Variants in ATP8A2 observed in about 807,000 individuals in gnomAD.
The protein encoded by ATP8A2 is ATPase phospholipid transporting 8A2.
ATP8A2 carries 100 observed loss-of-function variants against 165.6 expected under a neutral mutation model. The ratio of observed to expected loss-of-function variants is 0.60; its 90% CI spans 0.51 to 0.71. ATP8A2 has a LOEUF of 0.71. ATP8A2 is among the 30% of genes least tolerant of loss of function. The probability of loss-of-function intolerance (pLI) is 0.00; values close to 1 mark genes in which losing one functional copy is unlikely to be tolerated. For missense variants in ATP8A2, 1,227 were observed against 1,479.5 expected, an observed-to-expected ratio of 0.83 and a Z score of 2.80; for synonymous variants, 543 against 548.8, an observed-to-expected ratio of 0.99 and a Z score of 0.15.
chr13:25,676,849 G>C (rs1017251235), intron 24 of ATP8A2, among the ~76,000 whole-genome samples: 2 of 152,112 alleles, frequency 1.3e-5, no homozygotes, highest in Admixed American at 6.5e-5. Context: ...ATTCAATAGG[G>C]AACTCCCAAT....
At chr13:25,756,690 A>G (rs990885401) in intron 25 of ATP8A2, among the ~76,000 whole-genome samples, 4 of 152,158 alleles carry the variant, frequency 2.6e-5, no homozygotes, top group Non-Finnish European at 1.5e-5. Context: ...AACAGCACCA[A>G]TTTTGCAGAG....
chr13:25,512,685 C>T (rs1187914611), intron 2 of ATP8A2, among the ~76,000 whole-genome samples: 2 of 136,586 alleles, frequency 1.5e-5, no homozygotes, highest in Non-Finnish European at 3.1e-5. Flanking sequence ...GGGCGGGGGG[C>T]TGACCCCCCA....
At chr13:25,812,216 C>G (rs79842815) in intron 27 of ATP8A2, among the ~76,000 whole-genome samples, 86 of 151,584 alleles carry the variant, frequency 5.7e-4, no homozygotes, top group African/African-American at 2.0e-3. Flanking sequence ...AACTGCATCC[C>G]ACATTTGTTT....
chr13:25,762,692 G>C (rs1164968490), intron 25 of ATP8A2, among the ~76,000 whole-genome samples: 1 of 152,146 alleles, frequency 6.6e-6, no homozygotes, highest in Non-Finnish European at 1.5e-5. Flanking sequence ...AATGTCTGCT[G>C]TACAAATCTT....
chr13:25,373,101 G>C (rs113270358), intron 1 of ATP8A2, among the ~76,000 whole-genome samples: 1,990 of 152,252 alleles, frequency 0.013, 43 homozygotes, highest in African/African-American at 0.045. Context: ...ACTTGATAGG[G>C]TTACCTAGAC....
chr13:25,899,260 A>T (rs951569265), intron 33 of ATP8A2, among the ~76,000 whole-genome samples: 1 of 152,220 alleles, frequency 6.6e-6, no homozygotes, highest in Non-Finnish European at 1.5e-5. Context: ...CTGTAGAGCA[A>T]GGGCAGCTTG....
At chr13:25,558,136 A>G (rs1295886265) in intron 13 of ATP8A2, among the ~76,000 whole-genome samples, 2 of 152,182 alleles carry the variant, frequency 1.3e-5, no homozygotes, top group East Asian at 3.8e-4. Flanking sequence ...TCCTGACCTC[A>G]GGTGATCCAC....
intron 25 of ATP8A2, among the ~76,000 whole-genome samples, chr13:25,716,893 G>A (rs573279098): frequency 2.6e-5 from 4 of 152,326 alleles, no homozygotes; most frequent in African/African-American, 9.6e-5. Flanking sequence ...GTGATGTGCA[G>A]TGTATAAGTT....
At chr13:25,749,252 ATGG>A (rs1240868120) in intron 25 of ATP8A2, among the ~76,000 whole-genome samples, 3 of 152,120 alleles carry the variant, frequency 2.0e-5, no homozygotes, top group African/African-American at 7.2e-5. Flanking sequence ...AGGCCTGGAA[ATGG>A]TGATTTCTGG....
Position 25,733,358 on chromosome 13 carries a change from C to T in ATP8A2, c.2384+34013C>T, listed in dbSNP as rs149107614. Among the ~76,000 whole-genome samples the T allele has an allele frequency of 5.7e-3, 871 of 152,256 alleles. 11 individuals are homozygous for T. The highest frequency in any genetic ancestry group is 0.02 in the African/African-American group (834 of 41,530). ...AATAGAAACCGCTAATGGTATCACT[C>T]TCCTAAGGGGACTACTGTTATTTCC... On this transcript the variant is annotated intron_variant, in intron 25 of 36. Coordinates refer to ENST00000381655, the MANE Select transcript of ATP8A2 (RefSeq NM_016529.6).
At chr13:25,465,500 G>T (rs192722978) in intron 1 of ATP8A2, among the ~76,000 whole-genome samples, 7 of 149,300 alleles carry the variant, frequency 4.7e-5, no homozygotes, top group Non-Finnish European at 1.0e-4. Flanking sequence ...TCCAATATTT[G>T]TTATCCAACA....
chr13:25,890,913 A>G (rs1953340591), intron 33 of ATP8A2, among the ~76,000 whole-genome samples: 1 of 152,234 alleles, frequency 6.6e-6, no homozygotes, highest in South Asian at 2.1e-4. Flanking sequence ...TTGCCAAGTT[A>G]CAACCCAGAA....
intron 19 of ATP8A2, 131 bp downstream of exon 19, chr13:25,574,988 A>G (rs772244195): frequency 5.3e-4 from 254 of 476,044 alleles, no homozygotes; most frequent in Non-Finnish European, 8.3e-4. Context: ...ATGTATCTCC[A>G]TAAACTCTTT....
intron 35 of ATP8A2, among the ~76,000 whole-genome samples, chr13:25,996,966 G>A (rs554018858): frequency 2.0e-5 from 3 of 152,284 alleles, no homozygotes; most frequent in African/African-American, 7.2e-5. Flanking sequence ...TTACAGGCGT[G>A]AGCCACCATG....
At chr13:25,410,952 C>T (rs1031030936) in intron 1 of ATP8A2, among the ~76,000 whole-genome samples, 5 of 152,222 alleles carry the variant, frequency 3.3e-5, no homozygotes, top group African/African-American at 9.6e-5. Context: ...TATAACCAAT[C>T]CTGTTATGTT....
intron 25 of ATP8A2, among the ~76,000 whole-genome samples, chr13:25,721,191 C>G (rs183267895): frequency 1.3e-5 from 2 of 151,466 alleles, no homozygotes; most frequent in East Asian, 3.9e-4. Flanking sequence ...TCTCAAACTC[C>G]TGACTTCAAG....
rs1056041432 is a variant in ATP8A2, at chr13:25,372,284, C to G, written c.72C>G (p.Ser24=). 6 of 1,189,038 alleles carry G rather than the reference C, an allele frequency of 5.0e-6. No individual in the cohort carries two copies. The African/African-American group carries it at 6.5e-5, about 13-fold the overall frequency. The allele number at this position is 1,189,038 out of a possible 1,614,324, so 73.7% of individuals were successfully genotyped here. A position where few individuals can be genotyped will look rare whatever the true frequency, so the allele number is the denominator to read the frequency against. ...SLPRRSRIRS[S]VGPVRSSLGY... ...CGCGGAGGTCGAGGATCCGCTCGTC[C>G]GTGGGTGAGCTGGGAGGGGCGCGGC... Residue 24 remains serine (S), a synonymous_variant, in exon 1 of 37, where the codon TCC becomes TCG. Coordinates refer to ENST00000381655, the MANE Select transcript of ATP8A2 (RefSeq NM_016529.6). This position sits in a 1 kb window ranked among gnomAD's most constrained non-coding sequence, Gnocchi z 4.8.
At chr13:25,668,113 A>G (rs2042191595) in intron 24 of ATP8A2, among the ~76,000 whole-genome samples, 1 of 152,146 alleles carries the variant, frequency 6.6e-6, no homozygotes, top group Admixed American at 6.5e-5. Context: ...ATGTTTACCT[A>G]TGGTTACCTT....
chr13:25,870,076 T>C (rs976326500), intron 33 of ATP8A2, among the ~76,000 whole-genome samples: 1 of 152,184 alleles, frequency 6.6e-6, no homozygotes, highest in Non-Finnish European at 1.5e-5. Flanking sequence ...GGGAGATGAC[T>C]TTTCCCTGGA....
Sources: gnomAD v4.1 joint callset for allele counts (sites outside exome capture counted in the v4.1 genomes callset) on GRCh38, gnomAD v4.1.1 for gene constraint, Gnocchi (gnomAD v3.1) non-coding constraint, MANE v1.5 for transcripts, NCBI Gene and HGNC (gene_info 2026-07-23, HGNC 2026-07-21) for gene names.